Variants in ZNF704 observed in about 807,000 individuals in gnomAD.
ZNF704 encodes glucocorticoid induced gene 1.
Under a neutral mutation model 44.7 loss-of-function variants are expected in ZNF704, and 10 were observed. The observed-to-expected ratio is 0.22, with a 90% CI of 0.14 to 0.38. The LOEUF (loss-of-function observed/expected upper bound fraction) is 0.38. ZNF704 is among the 10% of genes least tolerant of loss of function. ZNF704 has a pLI of 1.00. For missense variants in ZNF704, 390 were observed against 545.5 expected (o/e 0.71, Z 2.84); for synonymous variants, 211 against 207.6 (o/e 1.02, Z -0.14).
intron 2 of ZNF704, among the ~76,000 whole-genome samples, chr8:80,718,405 T>G (rs1042163084): frequency 6.6e-6 from 1 of 152,174 alleles, no homozygotes; most frequent in Non-Finnish European, 1.5e-5. Flanking sequence ...TCAGCTAACA[T>G]TGTAGTTTCT....
chr8:80,783,595 G>GT lies in ZNF704; in HGVS notation c.221+37778dup, dbSNP rs549099522. ...TGGCATTTTTGAATTAATAAACTTT[G>GT]TTTTTTAGAGCAGTTTTAAGTTCAC... On this transcript the variant is annotated intron_variant, in intron 2 of 8. Coordinates refer to ENST00000327835, the MANE Select transcript of ZNF704 (RefSeq NM_001033723.3). Among the ~76,000 whole-genome samples, 799 of 152,190 alleles carry GT rather than the reference G, an allele frequency of 5.3e-3. 8 individuals are homozygous for GT. The highest frequency in any genetic ancestry group is 0.019 in the African/African-American group (772 of 41,524).
intron 7 of ZNF704, among the ~76,000 whole-genome samples, chr8:80,646,455 AAC>A (rs1817835577): frequency 6.6e-6 from 1 of 150,616 alleles, no homozygotes; most frequent in Non-Finnish European, 1.5e-5. Flanking sequence ...TAGCCTGGGC[AAC>A]AGAGTGAGAC....
intron 2 of ZNF704, among the ~76,000 whole-genome samples, chr8:80,803,008 T>A (rs1056677203): frequency 1.3e-5 from 2 of 151,910 alleles, no homozygotes; most frequent in Non-Finnish European, 2.9e-5. Context: ...TAAAAAAAAA[T>A]CAACGTGCAA....
At chr8:80,852,530 T>C (rs759817299) in intron 1 of ZNF704, among the ~76,000 whole-genome samples, 2 of 152,364 alleles carry the variant, frequency 1.3e-5, no homozygotes, top group East Asian at 1.9e-4. Flanking sequence ...AATTAAATTA[T>C]AACACAGAGT....
intron 1 of ZNF704, among the ~76,000 whole-genome samples, chr8:80,832,569 C>T (rs1808488333): frequency 6.6e-6 from 1 of 152,148 alleles, no homozygotes; most frequent in Admixed American, 6.6e-5. Flanking sequence ...TCAACCAAAT[C>T]AGATTTGAGG....
intron 2 of ZNF704, among the ~76,000 whole-genome samples, chr8:80,745,385 T>G (rs187901623): frequency 8.3e-4 from 126 of 152,292 alleles, no homozygotes; most frequent in African/African-American, 2.9e-3. Context: ...GGAGAAATTC[T>G]GCAGTTTTGG....
At chr8:80,772,030 A>G (rs964438148) in intron 2 of ZNF704, among the ~76,000 whole-genome samples, 1 of 152,158 alleles carries the variant, frequency 6.6e-6, no homozygotes, top group East Asian at 1.9e-4. Flanking sequence ...TTTTGCTACA[A>G]TGATTGATCT....
rs192117273 is a variant in ZNF704, at chr8:80,836,003, C to T, written c.-21-14388G>A. Among the ~76,000 whole-genome samples, 294 of 152,254 alleles carry T rather than the reference C, an allele frequency of 1.9e-3. 4 individuals carry two copies. The highest frequency in any genetic ancestry group is 2.6e-3 in the Non-Finnish European group (178 of 68,014). On this transcript the variant is annotated intron_variant, in intron 1 of 8. Transcript: ENST00000327835. ...GGATCTGTACAATAGTCTCCCTCCC[C>T]GGAGCCCTGTTTCCACTCCTGCACC...
intron 4 of ZNF704, among the ~76,000 whole-genome samples, chr8:80,679,043 T>G (rs970553397): frequency 6.6e-5 from 10 of 152,176 alleles, no homozygotes; most frequent in African/African-American, 2.4e-4. Context: ...ACAGCTATAT[T>G]TCCAGAGTTC....
At position 80,635,464 on chromosome 8, in the gene ZNF704, G is replaced by A. The variant is rs1251073724; in HGVS notation, c.*5902C>T. The A allele has an allele frequency of 6.6e-6, 1 of 152,040 alleles. No individual in the cohort carries two copies. Among genetic ancestry groups the A allele is most frequent in the Non-Finnish European group, 1.5e-5 (1 of 68,006 alleles). The allele number at this position is 152,040 out of a possible 1,614,324, so 9.4% of individuals were successfully genotyped here. A position where few individuals can be genotyped will look rare whatever the true frequency, so the allele number is the denominator to read the frequency against. ...CACTTGTTCTTATGTAGAAATTACAGTTATATAGTTAGTGCTGAGGACAAA... is the reference window on the plus strand; with the variant it reads ...CACTTGTTCTTATGTAGAAATTACAATTATATAGTTAGTGCTGAGGACAAA... On this transcript the variant is annotated 3_prime_UTR_variant, in exon 9 of 9. Transcript: ENST00000327835.
intron 2 of ZNF704, among the ~76,000 whole-genome samples, chr8:80,750,283 C>G (rs568956090): frequency 1.4e-4 from 21 of 151,592 alleles, no homozygotes; most frequent in South Asian, 4.2e-4. Context: ...TCTCCTCAAA[C>G]TGTAACACAA....
chr8:80,840,533 A>G (rs905682241), intron 1 of ZNF704, among the ~76,000 whole-genome samples: 12 of 152,232 alleles, frequency 7.9e-5, no homozygotes, highest in African/African-American at 2.7e-4. Context: ...CTTACGAAGT[A>G]TAAGACACTT....
At chr8:80,784,537 C>G (rs973902371) in intron 2 of ZNF704, among the ~76,000 whole-genome samples, 2 of 152,166 alleles carry the variant, frequency 1.3e-5, no homozygotes, top group Non-Finnish European at 1.5e-5. Context: ...TTTTCATATG[C>G]TTATTTGCCA....
chr8:80,725,707 T>C (rs1563532146), intron 2 of ZNF704, among the ~76,000 whole-genome samples: 1 of 152,176 alleles, frequency 6.6e-6, no homozygotes, highest in Non-Finnish European at 1.5e-5. Context: ...AAAAATAGAC[T>C]GTACATATAA....
At chr8:80,691,784 T>C (rs991336919) in intron 3 of ZNF704, among the ~76,000 whole-genome samples, 18 of 152,192 alleles carry the variant, frequency 1.2e-4, no homozygotes, top group African/African-American at 3.9e-4. Flanking sequence ...ATGTTTCCTA[T>C]TGTCTTCTTC....
intron 2 of ZNF704, among the ~76,000 whole-genome samples, chr8:80,773,785 T>C (rs1807364632): frequency 6.6e-6 from 1 of 152,176 alleles, no homozygotes; most frequent in South Asian, 2.1e-4. Context: ...AGCAGAGACA[T>C]TTCTTTGCTG....
upstream of ZNF704, among the ~76,000 whole-genome samples, chr8:80,874,977 T>C (rs950338874): frequency 5.3e-5 from 8 of 152,308 alleles, no homozygotes; most frequent in African/African-American, 1.9e-4. The surrounding 1 kb of genome is among the most constrained non-coding windows in gnomAD (Gnocchi z 4.4). Flanking sequence ...CAGCTTTTAC[T>C]CCTGCTATTC....
intron 2 of ZNF704, among the ~76,000 whole-genome samples, chr8:80,736,437 G>A (rs1399230300): frequency 1.3e-5 from 2 of 152,064 alleles, no homozygotes; most frequent in Non-Finnish European, 2.9e-5. Context: ...GCGCCACCAC[G>A]CCCAGCTAAT....
chr8:80,812,498 A>G (rs1489403879), intron 2 of ZNF704: 2 of 152,938 alleles, frequency 1.3e-5, no homozygotes, highest in African/African-American at 2.4e-5. Flanking sequence ...TGATGGGAGC[A>G]TCTGGGCGCT....
Sources: gnomAD v4.1 joint callset for allele counts (sites outside exome capture counted in the v4.1 genomes callset) on GRCh38, gnomAD v4.1.1 for gene constraint, Gnocchi (gnomAD v3.1) non-coding constraint, MANE v1.5 for transcripts, NCBI Gene and HGNC (gene_info 2026-07-23, HGNC 2026-07-21) for gene names.